NUFIP1: variants seen among roughly 807,000 people sequenced by gnomAD.
NUFIP1 encodes nuclear FMR1 interacting protein 1, also known as FMR1-interacting protein NUFIP1.
In NUFIP1, 38 loss-of-function variants were observed where a neutral mutation model predicts 56.2. That is an observed-to-expected ratio of 0.68 (90% CI 0.52 to 0.89). The LOEUF (loss-of-function observed/expected upper bound fraction) is 0.89. Ranked by LOEUF, NUFIP1 falls within the 40% of genes least tolerant of loss-of-function variation. The probability of loss-of-function intolerance (pLI) is 0.00; values close to 1 mark genes in which losing one functional copy is unlikely to be tolerated. For synonymous variants in NUFIP1, 215 were observed against 212.4 expected (o/e 1.01, Z -0.10); for missense variants, 567 against 605.8 (o/e 0.94, Z 0.67).
chr13:44,953,363 T>G (rs1339424729), intron 7 of NUFIP1, among the ~76,000 whole-genome samples: 2 of 152,128 alleles, frequency 1.3e-5, no homozygotes, highest in Non-Finnish European at 2.9e-5. Flanking sequence ...CATTCATCAG[T>G]GGATCTTGCC....
chr13:44,972,698 A>G (rs1396185055), intron 5 of NUFIP1, among the ~76,000 whole-genome samples: 6 of 152,344 alleles, frequency 3.9e-5, no homozygotes, highest in African/African-American at 1.4e-4. Context: ...AAAAACAAAT[A>G]GACGGCCCTC....
At chr13:44,947,994 C>T (rs1391058607) in intron 8 of NUFIP1, among the ~76,000 whole-genome samples, 2 of 152,074 alleles carry the variant, frequency 1.3e-5, no homozygotes, top group African/African-American at 4.8e-5. Flanking sequence ...AAAGAAAAAA[C>T]TTCCCATGTT....
intron 7 of NUFIP1, among the ~76,000 whole-genome samples, chr13:44,956,123 G>A (rs1214709464): frequency 8.2e-5 from 11 of 134,516 alleles, no homozygotes; most frequent in African/African-American, 2.9e-4. Flanking sequence ...CAGCCTGGGC[G>A]ACAGCGAGAC....
chr13:44,978,131 G>A (rs1032616492), intron 5 of NUFIP1, among the ~76,000 whole-genome samples: 16 of 152,200 alleles, frequency 1.1e-4, no homozygotes, highest in Admixed American at 7.2e-4. Context: ...ATACACTTTC[G>A]TTGAATTATA....
At chr13:44,943,704 T>C (rs1555249809) in intron 8 of NUFIP1, 30 bp from the exon 9 acceptor site, 1 of 1,554,662 alleles carries the variant, frequency 6.4e-7, no homozygotes, top group Admixed American at 1.8e-5. Flanking sequence ...AACACAAAAA[T>C]AAACAAAACA....
At chr13:44,981,185 A>G (rs984721395) in intron 2 of NUFIP1, among the ~76,000 whole-genome samples, 1 of 152,218 alleles carries the variant, frequency 6.6e-6, no homozygotes, top group African/African-American at 2.4e-5. Flanking sequence ...AAAAATAACT[A>G]CAGCTGACCC....
chr13:44,943,262 ACTGAATATACC>A (rs1870803583), intron 9 of NUFIP1, among the ~76,000 whole-genome samples, 169 bp downstream of exon 9: 1 of 152,132 alleles, frequency 6.6e-6, no homozygotes, highest in African/African-American at 2.4e-5. Flanking sequence ...TTCCACATTC[ACTGAATATACC>A]AGCTATATGC....
At chr13:44,957,844 T>C (rs1871295926) in intron 7 of NUFIP1, among the ~76,000 whole-genome samples, 1 of 152,190 alleles carries the variant, frequency 6.6e-6, no homozygotes, top group Non-Finnish European at 1.5e-5. Context: ...AAGATTTACA[T>C]AATTTTCAAA....
chr13:44,969,426 TTA>T (rs1395109231), intron 5 of NUFIP1, among the ~76,000 whole-genome samples: 1 of 152,152 alleles, frequency 6.6e-6, no homozygotes, highest in African/African-American at 2.4e-5. Context: ...AAAACATAAA[TTA>T]TGTCTTACAT....
At chr13:44,985,378 T>A (rs932292784) in intron 1 of NUFIP1, among the ~76,000 whole-genome samples, 1 of 152,178 alleles carries the variant, frequency 6.6e-6, no homozygotes, top group Non-Finnish European at 1.5e-5. Flanking sequence ...ATCCCATATA[T>A]CCTATCTTTC....
chr13:44,989,299 C>A lies in NUFIP1; in HGVS notation c.138G>T (p.Pro46=). 11 of 1,613,090 alleles carry A rather than the reference C, an allele frequency of 6.8e-6. No homozygotes were observed. The highest frequency in any genetic ancestry group is 9.3e-6 in the Non-Finnish European group (11 of 1,179,718). ...GAAGCGAGGACGTAAGTGGTGGTGG[C>A]GGTGGCGGCAGCATTGCCCAGAACA... ...SWMFWAMLPP[P]PPPLTSSLPA... Residue 46 remains proline, a synonymous_variant, in exon 1 of 10, where the codon CCG becomes CCT. Coordinates refer to ENST00000379161, the MANE Select transcript of NUFIP1 (RefSeq NM_012345.3).
chr13:44,951,474 G>A (rs1871081612), intron 7 of NUFIP1, among the ~76,000 whole-genome samples: 1 of 152,184 alleles, frequency 6.6e-6, no homozygotes, highest in African/African-American at 2.4e-5. Context: ...AATCCAAATT[G>A]TTACCAGTGA....
chr13:44,980,488 C>T (rs887553989), intron 3 of NUFIP1, among the ~76,000 whole-genome samples: 2 of 152,180 alleles, frequency 1.3e-5, no homozygotes, highest in Admixed American at 6.5e-5. Context: ...GAGGTACACA[C>T]ATACAAAAAG....
At chr13:44,988,617 T>G (rs1161754211) in intron 1 of NUFIP1, among the ~76,000 whole-genome samples, 1 of 152,222 alleles carries the variant, frequency 6.6e-6, no homozygotes, top group African/African-American at 2.4e-5. Context: ...TTTTTGTATG[T>G]TCTGCTCACT....
chr13:44,944,279 A>G (rs1174429887), intron 8 of NUFIP1, among the ~76,000 whole-genome samples: 1 of 152,180 alleles, frequency 6.6e-6, no homozygotes, highest in Non-Finnish European at 1.5e-5. Context: ...GATACCAAGC[A>G]TATACCAATC....
intron 7 of NUFIP1, among the ~76,000 whole-genome samples, chr13:44,956,158 A>AAG (rs1871233950): frequency 6.6e-6 from 1 of 150,934 alleles, no homozygotes. Context: ...AAAAAAAAAA[A>AAG]AAAAGAATCT....
chr13:44,978,294 G>A (rs1428756563), intron 5 of NUFIP1, among the ~76,000 whole-genome samples: 8 of 152,098 alleles, frequency 5.3e-5, no homozygotes, highest in Non-Finnish European at 1.2e-4. Flanking sequence ...TTAAACTAAG[G>A]CGAGCCAAGT....
At chr13:44,962,396 T>C (rs1383328250) in intron 6 of NUFIP1, among the ~76,000 whole-genome samples, 2 of 152,256 alleles carry the variant, frequency 1.3e-5, no homozygotes, top group South Asian at 2.1e-4. Flanking sequence ...TATTCTGCTC[T>C]ACTTATCTAT....
chr13:44,966,516 T>C (rs9567514), intron 5 of NUFIP1, among the ~76,000 whole-genome samples: 4 of 151,946 alleles, frequency 2.6e-5, no homozygotes, highest in African/African-American at 9.7e-5. Context: ...GGTTTCACCA[T>C]GTTGGCCAAA....
Sources: allele counts gnomAD v4.1 joint callset (sites outside exome capture counted in the v4.1 genomes callset), GRCh38; gene constraint gnomAD v4.1.1; transcripts MANE v1.5; gene names NCBI Gene and HGNC (gene_info 2026-07-23, HGNC 2026-07-21).